TACR1: variants seen among roughly 807,000 people sequenced by gnomAD.
TACR1 encodes the protein tachykinin receptor 1.
A neutral mutation model predicts 35.8 loss-of-function variants in TACR1; 25 were observed. That is an observed-to-expected ratio of 0.70 (90% CI 0.51 to 0.98). The LOEUF (loss-of-function observed/expected upper bound fraction) is 0.98, where lower values mean the gene tolerates loss of function less well. Ranked by LOEUF, TACR1 falls within the 50% of genes least tolerant of loss-of-function variation. The pLI, the probability that TACR1 is intolerant of heterozygous loss-of-function variation, is 0.00. For synonymous variants in TACR1, 195 were observed against 206.7 expected, an observed-to-expected ratio of 0.94 and a Z score of 0.48; for missense variants, 478 against 522.9, an observed-to-expected ratio of 0.91 and a Z score of 0.84.
chr2:75,186,371 CAAAAAAA>C (rs373147504), intron 1 of TACR1, among the ~76,000 whole-genome samples: 4 of 81,826 alleles, frequency 4.9e-5, no homozygotes, highest in African/African-American at 1.4e-4. Flanking sequence ...GACTCTGTCT[CAAAAAAA>C]AAAAAAAAAA....
At chr2:75,059,519 T>A (rs1672630915) in intron 2 of TACR1, among the ~76,000 whole-genome samples, 1 of 152,176 alleles carries the variant, frequency 6.6e-6, no homozygotes, top group African/African-American at 2.4e-5. Flanking sequence ...GCACCAGAGA[T>A]CTAGAAGCTC....
intron 2 of TACR1, among the ~76,000 whole-genome samples, chr2:75,089,658 G>T (rs774058554): frequency 6.6e-6 from 1 of 152,120 alleles, no homozygotes; most frequent in African/African-American, 2.4e-5. Context: ...GAGATGTTTG[G>T]CCATGTGGAC....
rs202018378 is a variant in TACR1 at position 75,049,419 on chromosome 2, A to G, written c.*13T>C. On this transcript the variant is annotated 3_prime_UTR_variant, in exon 5 of 5. Transcript: ENST00000305249. ...AAGGCAGTGGGGGCTGCACCTGCCA[A>G]AGGCCCTGTGGCCTAGGAGAGCACA... 6.2e-7 allele frequency: 1 copy of G among 1,603,244 alleles called. No individual in the cohort carries two copies. The highest frequency in any genetic ancestry group is 8.5e-7 in the Non-Finnish European group (1 of 1,171,444).
chr2:75,117,162 TGTGTGA>T (rs756464004), intron 2 of TACR1, among the ~76,000 whole-genome samples: 2 of 139,008 alleles, frequency 1.4e-5, no homozygotes, highest in Non-Finnish European at 3.2e-5. Flanking sequence ...TGTGTGTGTG[TGTGTGA>T]AGCCCATGTT....
chr2:75,093,572 C>T (rs1457812182), intron 2 of TACR1, among the ~76,000 whole-genome samples: 1 of 152,108 alleles, frequency 6.6e-6, no homozygotes, highest in Non-Finnish European at 1.5e-5. Context: ...GTCTGCAGCC[C>T]CTGAGCCCAC....
At chr2:75,121,352 G>A (rs925067339) in intron 1 of TACR1, among the ~76,000 whole-genome samples, 3 of 152,198 alleles carry the variant, frequency 2.0e-5, no homozygotes, top group Non-Finnish European at 2.9e-5. Flanking sequence ...TCAGTGTATG[G>A]CTAACTATAC....
At chr2:75,150,377 T>C (rs1228805335) in intron 1 of TACR1, among the ~76,000 whole-genome samples, 1 of 152,192 alleles carries the variant, frequency 6.6e-6, no homozygotes, top group Non-Finnish European at 1.5e-5. Flanking sequence ...ATAATTTCCA[T>C]ATGTTGGGAG....
chr2:75,103,048 G>A (rs11889361), intron 2 of TACR1, among the ~76,000 whole-genome samples: 83,268 of 152,014 alleles, frequency 0.55, 24,022 homozygotes, highest in African/African-American at 0.67. Flanking sequence ...AAATAATTGA[G>A]GACTCCCAAA....
rs11326632 is a variant in TACR1, at chr2:75,137,728, C to CAA, written c.390-16962_390-16961dup. ...TGGGCGACAGAGAGAGTCTCCGTCT[C>CAA]AAAAAAAAAAAAAAAAAAAAAAAAA... is the stretch of plus-strand genomic sequence containing the variant. On this transcript the variant is annotated intron_variant, in intron 1 of 4. Transcript: ENST00000305249. 2.3e-3 allele frequency among the ~76,000 whole-genome samples: 107 copies of CAA among 47,498 alleles called. 3 individuals carry two copies. Among genetic ancestry groups the CAA allele is most frequent in the East Asian group, 0.018 (18 of 1,016 alleles). The allele number at this position is 47,498 out of a possible 152,430, so 31.2% of individuals were successfully genotyped here.
intron 1 of TACR1, among the ~76,000 whole-genome samples, chr2:75,132,791 C>T (rs760002935): frequency 6.6e-6 from 1 of 152,220 alleles, no homozygotes; most frequent in African/African-American, 2.4e-5. Context: ...CCACTGCAAA[C>T]TGGATTTCAG....
At chr2:75,140,647 A>C (rs1347034689) in intron 1 of TACR1, among the ~76,000 whole-genome samples, 1 of 152,198 alleles carries the variant, frequency 6.6e-6, no homozygotes, top group Non-Finnish European at 1.5e-5. Context: ...CTCCATCATC[A>C]TTATCTGTTG....
chr2:75,164,391 AAAAT>A (rs1325175708), intron 1 of TACR1, among the ~76,000 whole-genome samples: 2 of 152,110 alleles, frequency 1.3e-5, no homozygotes, highest in Admixed American at 6.5e-5. Flanking sequence ...AAATAATAGA[AAAAT>A]AATTATGACT....
At chr2:75,115,906 C>CAAAAAAAAAAA (rs1158476632) in intron 2 of TACR1, among the ~76,000 whole-genome samples, 1 of 54,466 alleles carries the variant, frequency 1.8e-5, no homozygotes, top group Non-Finnish European at 3.0e-5. Context: ...GACTCCGTCT[C>CAAAAAAAAAAA]AAAAAAAAAA....
intron 2 of TACR1, among the ~76,000 whole-genome samples, chr2:75,061,160 A>G (rs1278711108): frequency 2.0e-5 from 3 of 150,342 alleles, no homozygotes; most frequent in Non-Finnish European, 4.4e-5. Flanking sequence ...GGAGGTCCAC[A>G]TCTTGCGGTT....
intron 1 of TACR1, among the ~76,000 whole-genome samples, chr2:75,146,919 CT>C (rs1674527764): frequency 1.3e-5 from 2 of 152,232 alleles, no homozygotes; most frequent in South Asian, 4.1e-4. Flanking sequence ...CCCATCACTT[CT>C]TCTGTGGTCC....
At chr2:75,108,504 A>C (rs1241260072) in intron 2 of TACR1, among the ~76,000 whole-genome samples, 1 of 152,222 alleles carries the variant, frequency 6.6e-6, no homozygotes, top group African/African-American at 2.4e-5. Flanking sequence ...TCAGCAGTTC[A>C]TTGAACATTG....
chr2:75,086,007 T>A (rs1283703338), intron 2 of TACR1, among the ~76,000 whole-genome samples: 1 of 152,242 alleles, frequency 6.6e-6, no homozygotes, highest in Non-Finnish European at 1.5e-5. Flanking sequence ...TCTGGAGTAT[T>A]AGTTTCATGT....
intron 2 of TACR1, among the ~76,000 whole-genome samples, chr2:75,105,116 C>G (rs990803356): frequency 6.6e-6 from 1 of 151,996 alleles, no homozygotes; most frequent in Non-Finnish European, 1.5e-5. Flanking sequence ...TTCACAATAA[C>G]CAAGATATAG....
At chr2:75,096,921 C>A (rs1253427080) in intron 2 of TACR1, among the ~76,000 whole-genome samples, 3 of 152,222 alleles carry the variant, frequency 2.0e-5, no homozygotes, top group Admixed American at 1.3e-4. Context: ...TTCTATTACA[C>A]CTCTTTCAGG....
Sources: allele counts gnomAD v4.1 joint callset (sites outside exome capture counted in the v4.1 genomes callset), GRCh38; gene constraint gnomAD v4.1.1; transcripts MANE v1.5; gene names NCBI Gene and HGNC (gene_info 2026-07-23, HGNC 2026-07-21).